NKAIN3: variants seen among roughly 807,000 people sequenced by gnomAD.
The protein encoded by NKAIN3 is sodium/potassium-transporting ATPase subunit beta-1-interacting protein 3.
A neutral mutation model predicts 30.2 loss-of-function variants in NKAIN3; 25 were observed. That is an observed-to-expected ratio of 0.83 (90% CI 0.60 to 1.16). The LOEUF (loss-of-function observed/expected upper bound fraction) is 1.16. Ranked by LOEUF, NKAIN3 falls within the 50% of genes most tolerant of loss-of-function variation. The probability of loss-of-function intolerance (pLI) is 0.00; values close to 1 mark genes in which losing one functional copy is unlikely to be tolerated. For missense variants in NKAIN3, 225 were observed against 254.1 expected (o/e 0.89, Z 0.78); for synonymous variants, 91 against 89.6 (o/e 1.02, Z -0.09).
intron 4 of NKAIN3, among the ~76,000 whole-genome samples, chr8:62,807,781 A>T (rs1013804869): frequency 1.1e-4 from 16 of 148,774 alleles, no homozygotes; most frequent in African/African-American, 2.0e-4. Context: ...TATATATATA[A>T]AATACATACA....
At chr8:62,987,954 C>T (rs559155433), downstream of NKAIN3, among the ~76,000 whole-genome samples, 30 of 152,290 alleles carry the variant, frequency 2.0e-4, no homozygotes, top group African/African-American at 7.2e-4. Flanking sequence ...AAGGGGAGTA[C>T]AGGCATTGGG....
chr8:62,625,624 G>A (rs1040282088), intron 3 of NKAIN3, among the ~76,000 whole-genome samples: 2 of 152,114 alleles, frequency 1.3e-5, no homozygotes, highest in African/African-American at 4.8e-5. Context: ...TGTGATAAAT[G>A]TGACAATAAT....
chr8:62,542,544 C>A (rs950268904), intron 1 of NKAIN3, among the ~76,000 whole-genome samples: 1 of 152,018 alleles, frequency 6.6e-6, no homozygotes, highest in African/African-American at 2.4e-5. Flanking sequence ...TAATGGATGA[C>A]ATCTCTATCT....
At chr8:62,258,643 G>A (rs1164586039) in intron 1 of NKAIN3, among the ~76,000 whole-genome samples, 1 of 152,036 alleles carries the variant, frequency 6.6e-6, no homozygotes, top group East Asian at 1.9e-4. Flanking sequence ...CTTGGGGACA[G>A]AGTGAGACAC....
At chr8:62,638,948 C>G (rs1812220429) in intron 3 of NKAIN3, among the ~76,000 whole-genome samples, 1 of 152,166 alleles carries the variant, frequency 6.6e-6, no homozygotes, top group Non-Finnish European at 1.5e-5. Flanking sequence ...CTAATTCAGA[C>G]TCTTTTACAC....
At chr8:62,960,758 A>ACACACACAC (rs1490723422) in intron 6 of NKAIN3, among the ~76,000 whole-genome samples, 2 of 74,082 alleles carry the variant, frequency 2.7e-5, no homozygotes, top group African/African-American at 1.4e-4. Context: ...CACACACACA[A>ACACACACAC]GTGATTAGAA....
In NKAIN3 at chr8:62,290,793, G is replaced by C. The variant is rs532503026; in HGVS notation, c.54+41666G>C. On this transcript the variant is annotated intron_variant, in intron 1 of 6. Coordinates refer to ENST00000623646, the MANE Select transcript of NKAIN3 (RefSeq NM_001304533.3). ...ATGATTCTGCTTTTTCTATTGATTG[G>C]AATAATTTCAGAAAGAATGGTACCA... 4.7e-3 allele frequency among the ~76,000 whole-genome samples: 720 copies of C among 152,206 alleles called. 4 individuals are homozygous for C. The highest frequency in any genetic ancestry group is 0.016 in the African/African-American group (681 of 41,532).
chr8:62,758,353 T>C (rs1192371203), intron 4 of NKAIN3, among the ~76,000 whole-genome samples: 1 of 152,138 alleles, frequency 6.6e-6, no homozygotes, highest in Non-Finnish European at 1.5e-5. Context: ...CAGTATTGTG[T>C]CAATGTTAAT....
In NKAIN3 at chr8:62,807,898, A is replaced by G. The variant is rs534354300; in HGVS notation, c.471+60769A>G. On this transcript the variant is annotated intron_variant, in intron 4 of 6. Transcript: ENST00000623646. The stretch of plus-strand genomic sequence containing the variant: ...TTTAAGGTATAAAAATGAGATTGTG[A>G]TTATGTTAAAAATAGGCTATATGTT... Among the ~76,000 whole-genome samples the G allele has an allele frequency of 1.1e-3, 166 of 151,712 alleles. 1 individual carries two copies. Among genetic ancestry groups the G allele is most frequent in the African/African-American group, 3.6e-3 (150 of 41,488 alleles).
chr8:62,252,758 A>G (rs1328293322), intron 1 of NKAIN3, among the ~76,000 whole-genome samples: 2 of 152,208 alleles, frequency 1.3e-5, no homozygotes, highest in Non-Finnish European at 2.9e-5. Context: ...TTTTTTTTGT[A>G]AGGATACTTT....
intron 1 of NKAIN3, among the ~76,000 whole-genome samples, chr8:62,286,317 A>G (rs1271422878): frequency 6.6e-6 from 1 of 152,196 alleles, no homozygotes; most frequent in Non-Finnish European, 1.5e-5. Context: ...CAGGCTATAC[A>G]TAAAGACGTG....
intron 1 of NKAIN3, among the ~76,000 whole-genome samples, chr8:62,345,184 T>A (rs1815891328): frequency 6.6e-6 from 1 of 151,628 alleles, no homozygotes; most frequent in African/African-American, 2.4e-5. Flanking sequence ...CACATTTATT[T>A]ATTAATTAAA....
intron 3 of NKAIN3, among the ~76,000 whole-genome samples, chr8:62,647,738 G>A (rs1214308731): frequency 6.6e-6 from 1 of 152,172 alleles, no homozygotes; most frequent in Non-Finnish European, 1.5e-5. Context: ...GAATCCCCTC[G>A]ATTGCCGAAA....
chr8:62,487,369 C>T (rs904922395), intron 1 of NKAIN3, among the ~76,000 whole-genome samples: 2 of 152,162 alleles, frequency 1.3e-5, no homozygotes, highest in Admixed American at 1.3e-4. Context: ...CTGCACTTTT[C>T]ACGGATGGCA....
chr8:62,981,435 A>C lies in NKAIN3; in HGVS notation c.*16028A>C, dbSNP rs1219543907. ...AGAAAATTTGGGTGTTAACACTTTG[A>C]AATACCTTTACCTCCTTTGGGGGAA... On this transcript the variant is annotated 3_prime_UTR_variant, in exon 7 of 7. Transcript: ENST00000623646. The C allele has an allele frequency of 6.6e-6, 1 of 152,210 alleles. No homozygotes were observed. 9.4% of individuals were successfully genotyped at this position (152,210 alleles called of 1,614,324 possible). A position where few individuals can be genotyped will look rare whatever the true frequency, so the allele number is the denominator to read the frequency against.
At chr8:62,406,897 A>T (rs191184830) in intron 1 of NKAIN3, among the ~76,000 whole-genome samples, 173 of 152,346 alleles carry the variant, frequency 1.1e-3, no homozygotes, top group African/African-American at 4.1e-3. Context: ...ATATTCATTT[A>T]GAATAAGTTT....
chr8:62,667,145 T>C (rs1813129177), intron 3 of NKAIN3, among the ~76,000 whole-genome samples: 1 of 84,666 alleles, frequency 1.2e-5, no homozygotes, highest in Non-Finnish European at 2.1e-5. Context: ...CTCGGACCTG[T>C]TGTGGGGTGG....
intron 2 of NKAIN3, among the ~76,000 whole-genome samples, chr8:62,582,109 T>C (rs929343956): frequency 7.3e-6 from 1 of 136,558 alleles, no homozygotes; most frequent in Non-Finnish European, 1.6e-5. Flanking sequence ...CTTTCCTTCC[T>C]TCTTTCCTTT....
intron 1 of NKAIN3, among the ~76,000 whole-genome samples, chr8:62,423,020 A>G (rs749526029): frequency 2.0e-5 from 3 of 151,998 alleles, no homozygotes; most frequent in African/African-American, 4.8e-5. Context: ...GAGATCCAAG[A>G]ACTCTGGTTC....
Sources: gnomAD v4.1 joint callset for allele counts (sites outside exome capture counted in the v4.1 genomes callset) on GRCh38, gnomAD v4.1.1 for gene constraint, MANE v1.5 for transcripts, NCBI Gene and HGNC (gene_info 2026-07-23, HGNC 2026-07-21) for gene names.